GMDS: variants seen among roughly 807,000 people sequenced by gnomAD.
GMDS encodes GDP-mannose 4,6-dehydratase.
A neutral mutation model predicts 49.9 loss-of-function variants in GMDS; 20 were observed. That is an observed-to-expected ratio of 0.40 (90% CI 0.28 to 0.58). GMDS has a LOEUF of 0.58. Among genes scored for constraint, GMDS ranks in the 20% least tolerant of loss-of-function variants. The probability of loss-of-function intolerance (pLI) is 0.42; values close to 1 mark genes in which losing one functional copy is unlikely to be tolerated. For missense variants in GMDS, 362 were observed against 481.4 expected (o/e 0.75, Z 2.32); for synonymous variants, 177 against 178.6 (o/e 0.99, Z 0.07).
chr6:1,851,765 C>G (rs1757685154), intron 7 of GMDS, among the ~76,000 whole-genome samples: 1 of 152,102 alleles, frequency 6.6e-6, no homozygotes, highest in South Asian at 2.1e-4. Context: ...TTCAGAATTG[C>G]CCACAGAACA....
intron 1 of GMDS, among the ~76,000 whole-genome samples, chr6:2,194,547 A>G (rs748556226): frequency 2.0e-5 from 3 of 152,238 alleles, no homozygotes; most frequent in South Asian, 4.1e-4. Context: ...TACTTTATCA[A>G]TCATGTTTCA....
intron 9 of GMDS, among the ~76,000 whole-genome samples, chr6:1,710,100 C>T (rs1013391679): frequency 3.9e-5 from 6 of 152,196 alleles, no homozygotes; most frequent in African/African-American, 1.4e-4. Flanking sequence ...TCCCTGAAGT[C>T]AGAGCCCGTG....
chr6:1,714,820 T>C (rs1766114008), intron 9 of GMDS, among the ~76,000 whole-genome samples: 1 of 152,258 alleles, frequency 6.6e-6, no homozygotes, highest in African/African-American at 2.4e-5. Flanking sequence ...TTCAAGATAC[T>C]ATGAGATTTT....
chr6:2,103,119 G>A lies in GMDS; in HGVS notation c.345+12652C>T, dbSNP rs535542228. Among the ~76,000 whole-genome samples, 11 of 152,248 alleles carry A rather than the reference G, an allele frequency of 7.2e-5. No homozygotes were observed. In the South Asian group the frequency reaches 2.3e-3, roughly 32 times the overall value. On this transcript the variant is annotated intron_variant, in intron 4 of 10. Transcript: ENST00000380815. ...TTTAATGCTTCATTAAAACAACATT[G>A]AGGCCCATTACAGTACACAGCGTAC...
intron 6 of GMDS, among the ~76,000 whole-genome samples, chr6:1,951,436 T>C (rs781258090): frequency 2.6e-5 from 4 of 152,216 alleles, no homozygotes; most frequent in Admixed American, 1.3e-4. Flanking sequence ...TCCTATCTCA[T>C]CTAGAAATGG....
At chr6:1,785,530 C>A (rs557700247) in intron 7 of GMDS, among the ~76,000 whole-genome samples, 104 of 152,304 alleles carry the variant, frequency 6.8e-4, no homozygotes, top group African/African-American at 2.5e-3. Flanking sequence ...GACCTCCAGG[C>A]CCTTCTACGC....
chr6:2,105,638 T>C (rs554036183), intron 4 of GMDS, among the ~76,000 whole-genome samples: 5 of 152,242 alleles, frequency 3.3e-5, no homozygotes, highest in Admixed American at 2.6e-4. Flanking sequence ...TCTTGAAGAA[T>C]GTCCTAAAAG....
intron 4 of GMDS, among the ~76,000 whole-genome samples, chr6:2,033,679 GCC>G (rs1429177300): frequency 6.6e-6 from 1 of 152,108 alleles, no homozygotes; most frequent in African/African-American, 2.4e-5. Context: ...TGCTTTTATT[GCC>G]CCTTTTGCCC....
intron 4 of GMDS, among the ~76,000 whole-genome samples, chr6:2,015,498 C>T (rs971660479): frequency 6.6e-6 from 1 of 151,964 alleles, no homozygotes; most frequent in African/African-American, 2.4e-5. Context: ...GTGTGGGGTG[C>T]AGGAAAAGCA....
Position 1,659,770 on chromosome 6 carries a change from C to T in GMDS, c.988-35230G>A, listed in dbSNP as rs187951834. ...TGGTTCTCTCAGCAACACTGAATTACTTGAGAAAGACTTTGTTATTCAGGA... is the reference window on the plus strand; with the variant it reads ...TGGTTCTCTCAGCAACACTGAATTATTTGAGAAAGACTTTGTTATTCAGGA... On this transcript the variant is annotated intron_variant, in intron 9 of 10. Coordinates refer to ENST00000380815, the MANE Select transcript of GMDS (RefSeq NM_001500.4). Among the ~76,000 whole-genome samples, 397 of 152,208 alleles carry T rather than the reference C, an allele frequency of 2.6e-3. 1 individual carries two copies. Among genetic ancestry groups the T allele is most frequent in the African/African-American group, 9.3e-3 (385 of 41,522 alleles).
chr6:1,994,405 G>T lies in GMDS; in HGVS notation c.346-33439C>A, dbSNP rs139739156. Among the ~76,000 whole-genome samples, 814 of 152,174 alleles carry T rather than the reference G, an allele frequency of 5.3e-3. 9 individuals are homozygous for T. Among genetic ancestry groups the T allele is most frequent in the Middle Eastern group, 0.037 (11 of 294 alleles). The stretch of plus-strand genomic sequence containing the variant: ...AGTTTTCCCATGAGGGAAATGATAT[G>T]CTATATTCCATAATTTGCAAGCTTT... On this transcript the variant is annotated intron_variant, in intron 4 of 10. Transcript: ENST00000380815.
At chr6:1,879,033 T>C (rs890178111) in intron 7 of GMDS, among the ~76,000 whole-genome samples, 1 of 152,096 alleles carries the variant, frequency 6.6e-6, no homozygotes, top group Non-Finnish European at 1.5e-5. Flanking sequence ...ATCCCCAGAG[T>C]GAAAAAACAG....
chr6:2,096,977 T>A (rs980441147), intron 4 of GMDS, among the ~76,000 whole-genome samples: 1 of 152,132 alleles, frequency 6.6e-6, no homozygotes, highest in African/African-American at 2.4e-5. Flanking sequence ...TTGTCTTTTT[T>A]ATATAGTCAC....
intron 7 of GMDS, among the ~76,000 whole-genome samples, chr6:1,786,397 C>G (rs1769321800): frequency 6.6e-6 from 1 of 152,218 alleles, no homozygotes; most frequent in Admixed American, 6.5e-5. Context: ...CCAAGGCCAG[C>G]AGGCCAGGGA....
chr6:2,146,992 G>T (rs531158915), intron 1 of GMDS, among the ~76,000 whole-genome samples: 2 of 152,286 alleles, frequency 1.3e-5, no homozygotes, highest in South Asian at 4.1e-4. Flanking sequence ...CATCCCAAGG[G>T]TATGAAGACT....
intron 1 of GMDS, among the ~76,000 whole-genome samples, chr6:2,224,112 G>GGGTTT (rs1780716817): frequency 6.6e-6 from 1 of 152,158 alleles, no homozygotes; most frequent in African/African-American, 2.4e-5. Context: ...TAATTTAGAA[G>GGGTTT]ATCTTATATA....
chr6:1,661,064 A>G (rs1179849341), intron 9 of GMDS, among the ~76,000 whole-genome samples: 2 of 152,070 alleles, frequency 1.3e-5, no homozygotes, highest in African/African-American at 4.8e-5. Context: ...TTGGCATCTA[A>G]GGATCAGAGT....
At chr6:1,972,753 C>T (rs958557167) in intron 4 of GMDS, among the ~76,000 whole-genome samples, 3 of 152,158 alleles carry the variant, frequency 2.0e-5, no homozygotes, top group South Asian at 2.1e-4. Flanking sequence ...ATACAGTCGC[C>T]GCAGATGCCT....
chr6:1,966,593 C>G (rs926244748), intron 4 of GMDS, among the ~76,000 whole-genome samples: 5 of 152,188 alleles, frequency 3.3e-5, no homozygotes, highest in African/African-American at 4.8e-5. Flanking sequence ...CTCCCCGACC[C>G]ACCCTCCAGC....
Sources: gnomAD v4.1 joint callset for allele counts (sites outside exome capture counted in the v4.1 genomes callset) on GRCh38, gnomAD v4.1.1 for gene constraint, MANE v1.5 for transcripts, NCBI Gene and HGNC (gene_info 2026-07-23, HGNC 2026-07-21) for gene names.